ST6GALNAC3: variants seen among roughly 807,000 people sequenced by gnomAD.
The protein encoded by ST6GALNAC3 is alpha-N-acetylgalactosaminide alpha-2,6-sialyltransferase 3.
ST6GALNAC3 carries 25 observed loss-of-function variants against 32.7 expected under a neutral mutation model. The observed-to-expected ratio is 0.76, with a 90% confidence interval of 0.56 to 1.07. The LOEUF is 1.07. Among genes scored for constraint, ST6GALNAC3 ranks in the 50% least tolerant of loss-of-function variants. The pLI, the probability that ST6GALNAC3 is intolerant of heterozygous loss-of-function variation, is 0.00. For missense variants in ST6GALNAC3, 355 were observed against 382.4 expected, an observed-to-expected ratio of 0.93 and a Z score of 0.60; for synonymous variants, 129 against 133.1, an observed-to-expected ratio of 0.97 and a Z score of 0.21.
chr1:76,096,059 G>T (rs1490060654), intron 1 of ST6GALNAC3, among the ~76,000 whole-genome samples: 1 of 152,192 alleles, frequency 6.6e-6, no homozygotes, highest in Non-Finnish European at 1.5e-5. Flanking sequence ...AGCTGGCTCT[G>T]CTGGTGGTGG....
At chr1:76,114,047 T>C (rs1041639137) in intron 1 of ST6GALNAC3, among the ~76,000 whole-genome samples, 1 of 151,064 alleles carries the variant, frequency 6.6e-6, no homozygotes. Context: ...CTCGCCATGT[T>C]GGCCAGGCTG....
chr1:76,363,861 A>C (rs945890044), intron 2 of ST6GALNAC3, among the ~76,000 whole-genome samples: 2 of 152,068 alleles, frequency 1.3e-5, no homozygotes, highest in Non-Finnish European at 2.9e-5. Context: ...AAACAACCAG[A>C]TCTCCTTAGA....
intron 1 of ST6GALNAC3, among the ~76,000 whole-genome samples, chr1:76,206,777 T>C (rs1425564553): frequency 3.9e-5 from 6 of 152,102 alleles, no homozygotes; most frequent in African/African-American, 1.2e-4. Context: ...TAGATGGTGA[T>C]TGTTATAAAC....
At chr1:76,540,646 T>C (rs1236501062) in intron 3 of ST6GALNAC3, among the ~76,000 whole-genome samples, 1 of 152,184 alleles carries the variant, frequency 6.6e-6, no homozygotes, top group African/African-American at 2.4e-5. Flanking sequence ...GCTGCCGTTT[T>C]TTCTTATATG....
chr1:76,399,000 T>G (rs1653201441), intron 2 of ST6GALNAC3, among the ~76,000 whole-genome samples: 1 of 152,180 alleles, frequency 6.6e-6, no homozygotes, highest in South Asian at 2.1e-4. Context: ...TTTTCTTGTG[T>G]GTATTTGCCA....
intron 3 of ST6GALNAC3, among the ~76,000 whole-genome samples, chr1:76,462,983 T>C (rs1020638077): frequency 6.6e-6 from 1 of 152,186 alleles, no homozygotes; most frequent in Non-Finnish European, 1.5e-5. Context: ...GTGTGACTTG[T>C]GGTCAAACAC....
intron 2 of ST6GALNAC3, among the ~76,000 whole-genome samples, chr1:76,369,339 T>A (rs925181226): frequency 5.3e-5 from 8 of 152,294 alleles, no homozygotes; most frequent in African/African-American, 1.9e-4. Flanking sequence ...TACTCTTTTT[T>A]CCTCTTCCAC....
chr1:76,086,153 T>C (rs1056416141), intron 1 of ST6GALNAC3, among the ~76,000 whole-genome samples: 3 of 152,246 alleles, frequency 2.0e-5, no homozygotes, highest in Non-Finnish European at 2.9e-5. Flanking sequence ...TCTCACACTT[T>C]GGACCCCCCA....
In ST6GALNAC3 at chr1:76,631,129, G is replaced by A; in HGVS notation, c.*2323G>A. 1 of 707,552 alleles carries A rather than the reference G, an allele frequency of 1.4e-6. No individual in the cohort carries two copies. The highest frequency in any genetic ancestry group is 1.7e-6 in the Non-Finnish European group (1 of 576,770). The allele number at this position is 707,552 out of a possible 1,614,324, so 43.8% of individuals were successfully genotyped here. The stretch of plus-strand genomic sequence containing the variant: ...TTGTATCCCTCACTCTATAGCAGAA[G>A]GTGTGTGTGGAATATGTAGACTCCA... On this transcript the variant is annotated 3_prime_UTR_variant, in exon 5 of 5. Transcript: ENST00000328299.
At position 76,086,743 on chromosome 1, in the gene ST6GALNAC3, T is replaced by G. The variant is rs137870717; in HGVS notation, c.18+11859T>G. Among the ~76,000 whole-genome samples, 967 of 152,332 alleles carry G rather than the reference T, an allele frequency of 6.3e-3. 10 individuals are homozygous for G. The highest frequency in any genetic ancestry group is 0.027 in the Middle Eastern group (8 of 294). On this transcript the variant is annotated intron_variant, in intron 1 of 4. Transcript: ENST00000328299. ...ATATAAGCCATTCCATTAGGAATCC[T>G]TCCCTGGGAAATATGAATCATTGCT...
At chr1:76,336,942 G>A (rs1647527986) in intron 2 of ST6GALNAC3, among the ~76,000 whole-genome samples, 2 of 152,310 alleles carry the variant, frequency 1.3e-5, no homozygotes, top group South Asian at 4.1e-4. Flanking sequence ...AACAACAGCT[G>A]CATTTGCAAG....
intron 1 of ST6GALNAC3, among the ~76,000 whole-genome samples, chr1:76,141,078 C>T (rs1650291762): frequency 6.6e-6 from 1 of 152,066 alleles, no homozygotes; most frequent in African/African-American, 2.4e-5. Context: ...GACTTGGTTT[C>T]CATGCACCAT....
At chr1:76,282,866 T>TAAAAGA (rs1659573506) in intron 1 of ST6GALNAC3, among the ~76,000 whole-genome samples, 1 of 139,348 alleles carries the variant, frequency 7.2e-6, no homozygotes, top group South Asian at 2.3e-4. Flanking sequence ...CCATCTCTAC[T>TAAAAGA]AAAAAAAAAA....
intron 1 of ST6GALNAC3, among the ~76,000 whole-genome samples, chr1:76,233,458 C>T (rs1020752790): frequency 5.3e-5 from 8 of 152,166 alleles, no homozygotes; most frequent in African/African-American, 1.9e-4. Flanking sequence ...ACCACAAGGC[C>T]AAGGGAAGGC....
At chr1:76,151,941 C>T (rs1184165974) in intron 1 of ST6GALNAC3, among the ~76,000 whole-genome samples, 2 of 152,142 alleles carry the variant, frequency 1.3e-5, no homozygotes, top group Admixed American at 6.5e-5. Flanking sequence ...ATCCAGGCTT[C>T]CTGACTCTTG....
chr1:76,189,065 G>A (rs1653743531), intron 1 of ST6GALNAC3, among the ~76,000 whole-genome samples: 1 of 152,184 alleles, frequency 6.6e-6, no homozygotes. Flanking sequence ...TGGGCAGCAG[G>A]CCTGGAGCCA....
At chr1:76,482,713 CCTTTT>C (rs752147983) in intron 3 of ST6GALNAC3, among the ~76,000 whole-genome samples, 4 of 151,790 alleles carry the variant, frequency 2.6e-5, no homozygotes, top group Admixed American at 6.6e-5. Context: ...TATGCTACTG[CCTTTT>C]CTTTTATTTT....
chr1:76,512,451 TTTA>T (rs1248649741), intron 3 of ST6GALNAC3, among the ~76,000 whole-genome samples: 1 of 152,204 alleles, frequency 6.6e-6, no homozygotes, highest in Non-Finnish European at 1.5e-5. Context: ...CTAAAACTTT[TTTA>T]TTGACACATT....
intron 3 of ST6GALNAC3, among the ~76,000 whole-genome samples, chr1:76,471,686 G>C (rs1659041121): frequency 6.6e-6 from 1 of 152,018 alleles, no homozygotes. Context: ...CATTTGCTAG[G>C]CCTCTAAATG....
Sources: gnomAD v4.1 joint callset for allele counts (sites outside exome capture counted in the v4.1 genomes callset) on GRCh38, gnomAD v4.1.1 for gene constraint, MANE v1.5 for transcripts, NCBI Gene and HGNC (gene_info 2026-07-23, HGNC 2026-07-21) for gene names.